The following LOC122539214 variants were observed in gnomAD, a reference collection of about 807,000 sequenced individuals.
the LOC122539214 span, among the ~76,000 whole-genome samples, chr19:52,666,306 G>GTA: frequency 6.6e-6 from 1 of 152,072 alleles, no homozygotes; most frequent in Non-Finnish European, 1.5e-5. Flanking sequence ...AGAGAAAACA[G>GTA]TATACCCTAT....
At chr19:52,652,856 A>T in the LOC122539214 span, 4 of 981,064 alleles carry the variant, frequency 4.1e-6, no homozygotes, top group South Asian at 5.2e-5. Context: ...ACAAAGGATG[A>T]CATATGACTG....
At chr19:52,667,642 G>C in the LOC122539214 span, among the ~76,000 whole-genome samples, 3 of 152,160 alleles carry the variant, frequency 2.0e-5, no homozygotes, top group African/African-American at 7.2e-5. Context: ...AATTCTGTGT[G>C]TAAACATACT....
At chr19:52,653,918 T>A in the LOC122539214 span, among the ~76,000 whole-genome samples, 373 of 152,230 alleles carry the variant, frequency 2.5e-3, no homozygotes, top group Non-Finnish European at 4.1e-3. Flanking sequence ...TTTTCTCTCA[T>A]GTGTTCTTCC....
At chr19:52,687,781 C>T in the LOC122539214 span, among the ~76,000 whole-genome samples, 11 of 147,504 alleles carry the variant, frequency 7.5e-5, no homozygotes, top group East Asian at 1.0e-3. Context: ...GAGGAGATCA[C>T]GCCACTGCAC....
At chr19:52,660,134 CAT>C in the LOC122539214 span, among the ~76,000 whole-genome samples, 1 of 70,222 alleles carries the variant, frequency 1.4e-5, no homozygotes, top group African/African-American at 4.1e-5. Flanking sequence ...TGGTAAGAAT[CAT>C]GGTGGTAAGA....
At chr19:52,664,686 GA>G in the LOC122539214 span, among the ~76,000 whole-genome samples, 25 of 147,296 alleles carry the variant, frequency 1.7e-4, no homozygotes, top group Non-Finnish European at 3.1e-4. Flanking sequence ...GCCAGGAAGG[GA>G]TGCAGATTAA....
the LOC122539214 span, among the ~76,000 whole-genome samples, chr19:52,659,931 G>C: frequency 6.6e-6 from 1 of 152,230 alleles, no homozygotes; most frequent in South Asian, 2.1e-4. Context: ...GGTAACTCAC[G>C]CCTGTAATCC....
At chr19:52,678,970 T>C in the LOC122539214 span, among the ~76,000 whole-genome samples, 3 of 97,580 alleles carry the variant, frequency 3.1e-5, no homozygotes, top group African/African-American at 1.2e-4. Context: ...CAAGACTCCA[T>C]CTCAAAAAAA....
At chr19:52,656,914 T>C in the LOC122539214 span, among the ~76,000 whole-genome samples, 1 of 151,448 alleles carries the variant, frequency 6.6e-6, no homozygotes, top group Non-Finnish European at 1.5e-5. Flanking sequence ...AATGCTCTCC[T>C]GGACACATTG....
At chr19:52,665,796 C>A in the LOC122539214 span, among the ~76,000 whole-genome samples, 5 of 152,240 alleles carry the variant, frequency 3.3e-5, no homozygotes, top group East Asian at 7.7e-4. Flanking sequence ...GGAGTAAGAA[C>A]CCCTTCCTGT....
At chr19:52,680,590 T>C in the LOC122539214 span, among the ~76,000 whole-genome samples, 1 of 151,128 alleles carries the variant, frequency 6.6e-6, no homozygotes, top group Admixed American at 6.6e-5. Context: ...TGTTTTATTG[T>C]ACTTTTCCAC....
the LOC122539214 span, chr19:52,654,803 C>T: frequency 6.5e-6 from 1 of 154,710 alleles, no homozygotes; most frequent in South Asian, 2.0e-4. Context: ...ACAGCAGTGA[C>T]TGCTGTTTAG....
chr19:52,666,618 C>CAA, the LOC122539214 span, among the ~76,000 whole-genome samples: 4 of 105,778 alleles, frequency 3.8e-5, no homozygotes, highest in East Asian at 3.2e-4. Flanking sequence ...TATCCTAAGT[C>CAA]AAAAAAAAAA....
At chr19:52,683,276 G>C in the LOC122539214 span, among the ~76,000 whole-genome samples, 1 of 90,330 alleles carries the variant, frequency 1.1e-5, no homozygotes, top group East Asian at 2.5e-4. Context: ...GTGTGTGTGT[G>C]TGTGTATGCT....
chr19:52,683,955 C>T, the LOC122539214 span, among the ~76,000 whole-genome samples: 16 of 152,170 alleles, frequency 1.1e-4, no homozygotes, highest in Middle Eastern at 3.4e-3. Flanking sequence ...TGTTTCTGGG[C>T]GGGCACAGTG....
chr19:52,675,613 A>T, the LOC122539214 span, among the ~76,000 whole-genome samples: 1 of 152,142 alleles, frequency 6.6e-6, no homozygotes, highest in Admixed American at 6.6e-5. Context: ...TCACGGGGAA[A>T]TTGGGGTGTT....
At chr19:52,670,866 T>C in the LOC122539214 span, among the ~76,000 whole-genome samples, 4 of 152,236 alleles carry the variant, frequency 2.6e-5, no homozygotes, top group African/African-American at 9.6e-5. Flanking sequence ...TTTGTCTAAA[T>C]ACCTGGGATC....
the LOC122539214 span, among the ~76,000 whole-genome samples, chr19:52,672,360 TG>T: frequency 6.6e-6 from 1 of 152,262 alleles, no homozygotes; most frequent in South Asian, 2.1e-4. Context: ...TCCCTAGCTA[TG>T]GAAGAATTCA....
At chr19:52,654,144 C>T in the LOC122539214 span, 1 of 1,605,844 alleles carries the variant, frequency 6.2e-7, no homozygotes, top group Non-Finnish European at 8.5e-7. Flanking sequence ...CTTTAATAGG[C>T]TTGTTTCCAG....
Sources: allele counts gnomAD v4.1 joint callset (sites outside exome capture counted in the v4.1 genomes callset), GRCh38; gene constraint gnomAD v4.1.1; transcripts MANE v1.5.